AGXT: variants seen among roughly 807,000 people sequenced by gnomAD.
AGXT encodes alanine--glyoxylate aminotransferase.
A neutral mutation model predicts 46.9 loss-of-function variants in AGXT; 41 were observed. The ratio of observed to expected loss-of-function variants is 0.88; its 90% CI spans 0.68 to 1.14. The LOEUF (loss-of-function observed/expected upper bound fraction) is 1.14. Among genes scored for constraint, AGXT ranks in the 50% most tolerant of loss-of-function variants. The probability of loss-of-function intolerance (pLI) is 0.00; values close to 1 mark genes in which losing one functional copy is unlikely to be tolerated. For missense variants in AGXT, 525 were observed against 522.7 expected (o/e 1.00, Z -0.04); for synonymous variants, 244 against 227.9 (o/e 1.07, Z -0.64).
chr2:240,871,588 T>A, intron 4 of AGXT, 139 bp downstream of exon 4: 1 of 791,792 alleles, frequency 1.3e-6, no homozygotes, highest in East Asian at 2.7e-5. Flanking sequence ...TGCAGGCACC[T>A]CCCAGGTCCT....
intron 2 of AGXT, 65 bp downstream of exon 2, chr2:240,869,427 C>G: frequency 1.4e-6 from 2 of 1,439,746 alleles, no homozygotes; most frequent in Non-Finnish European, 1.9e-6. Flanking sequence ...TGGCCTCCCT[C>G]TGTTTGAAGC....
Position 240,870,715 on chromosome 2 carries a change from G to A in AGXT, c.423+7G>A, listed in dbSNP as rs2058986525. The A allele has an allele frequency of 1.3e-6, 2 of 1,553,926 alleles. No homozygotes were observed. The highest frequency in any genetic ancestry group is 1.4e-5 in the African/African-American group (1 of 73,500). The stretch of plus-strand genomic sequence containing the variant: ...ACTGCAGGAGGTGGAGGAGGTAGGG[G>A]ACCCGGGGTGGGGGTCAGGGCCGGG... On this transcript the variant is annotated splice_region_variant and intron_variant, in intron 3 of 10. Transcript: ENST00000307503.
In AGXT at chr2:240,872,977, A is replaced by T. The variant is rs1452455390; in HGVS notation, c.525-2A>T. On this transcript the variant is annotated splice_acceptor_variant, in intron 4 of 10. Coordinates refer to ENST00000307503, the MANE Select transcript of AGXT (RefSeq NM_000030.3). LOFTEE classifies it high-confidence loss of function. ...CCTCCATTCTGTCCCCCACCTCTCC[A>T]GGTACAAGTGCCTGCTCCTGGTGGA... 1 of 1,613,684 alleles carries T rather than the reference A, an allele frequency of 6.2e-7. No individual in the cohort carries two copies. The highest frequency in any genetic ancestry group is 1.7e-5 in the Admixed American group (1 of 60,010).
Position 240,879,053 on chromosome 2 carries a change from G to T in AGXT, c.*232G>T. On this transcript the variant is annotated 3_prime_UTR_variant, in exon 11 of 11. Coordinates refer to ENST00000307503, the MANE Select transcript of AGXT (RefSeq NM_000030.3). Reference sequence around the variant, plus strand: ...GCGCAAAACCCAGTGCCTTCCAAATGAGCTGCAGTCCCCAGGCCATGAGCC... The same window carrying T: ...GCGCAAAACCCAGTGCCTTCCAAATTAGCTGCAGTCCCCAGGCCATGAGCC... 1 of 598,018 alleles carries T rather than the reference G, an allele frequency of 1.7e-6. No individual in the cohort carries two copies. Among genetic ancestry groups the T allele is most frequent in the Non-Finnish European group, 3.0e-6 (1 of 334,556 alleles). The allele number at this position is 598,018 out of a possible 1,614,324, so 37.0% of individuals were successfully genotyped here.
At chr2:240,873,578 C>G (rs2059003197) in intron 5 of AGXT, 1 of 300,552 alleles carries the variant, frequency 3.3e-6, no homozygotes. Flanking sequence ...TGCCTGCCCA[C>G]CCACTCCATG....
intron 10 of AGXT, among the ~76,000 whole-genome samples, 190 bp from the exon 11 acceptor site, chr2:240,878,524 G>T (rs891841693): frequency 6.6e-6 from 1 of 152,246 alleles, no homozygotes; most frequent in Non-Finnish European, 1.5e-5. Flanking sequence ...TGCAGAGGGA[G>T]GAGAGCCTGC....
intron 3 of AGXT, 115 bp from the exon 4 acceptor site, chr2:240,871,234 G>A (rs1002929408): frequency 2.3e-6 from 2 of 866,782 alleles, no homozygotes; most frequent in Non-Finnish European, 1.9e-6. Flanking sequence ...TCAGGGAGGA[G>A]TAGAGGCAGG....
At chr2:240,869,070 A>G in intron 1 of AGXT, 40 bp downstream of exon 1, 1 of 1,515,310 alleles carries the variant, frequency 6.6e-7, no homozygotes, top group Non-Finnish European at 9.0e-7. Context: ...GGTCTCACCC[A>G]TGTTCCCACC....
intron 8 of AGXT, 123 bp downstream of exon 8, chr2:240,876,127 T>G: frequency 8.3e-7 from 1 of 1,198,304 alleles, no homozygotes; most frequent in East Asian, 2.5e-5. Context: ...AGAGAGGCCC[T>G]CAGTGGGGGT....
chr2:240,877,762 T>C (rs1217087781), intron 9 of AGXT, 130 bp downstream of exon 9: 17 of 1,094,400 alleles, frequency 1.6e-5, no homozygotes, highest in Non-Finnish European at 2.1e-5. Flanking sequence ...GTGGCCTCGG[T>C]GCCAGGGATT....
rs1191051731 is a variant in AGXT, at chr2:240,878,846, A to AGTGGCACACACCTGTCC, written c.*25_*26insGTGGCACACACCTGTCC. On this transcript the variant is annotated 3_prime_UTR_variant, in exon 11 of 11. Coordinates refer to ENST00000307503, the MANE Select transcript of AGXT (RefSeq NM_000030.3). ...ACCTGCCCACTGGCACACAGCTGGC[A>AGTGGCACACACCTGTCC]CTGGCACACACCTGTCCCATGCCCA... The AGTGGCACACACCTGTCC allele has an allele frequency of 6.4e-7, 1 of 1,557,666 alleles. No individual in the cohort carries two copies. The highest frequency in any genetic ancestry group is 1.3e-5 in the African/African-American group (1 of 74,108).
In AGXT at chr2:240,880,390, C is replaced by T. The variant is rs1373339812; in HGVS notation, c.*1569C>T. 1 of 151,866 alleles carries T rather than the reference C, an allele frequency of 6.6e-6. No individual in the cohort carries two copies. Among genetic ancestry groups the T allele is most frequent in the African/African-American group, 2.4e-5 (1 of 41,310 alleles). The allele number at this position is 151,866 out of a possible 1,614,324, so 9.4% of individuals were successfully genotyped here. A position where few individuals can be genotyped will look rare whatever the true frequency, so the allele number is the denominator to read the frequency against. ...GAGCAACTTCTCATGAGCTATCGGCCGTTTGTAGATCTTCTGAAAAGTGTC... is the reference window on the plus strand; with the variant it reads ...GAGCAACTTCTCATGAGCTATCGGCTGTTTGTAGATCTTCTGAAAAGTGTC... On this transcript the variant is annotated 3_prime_UTR_variant, in exon 11 of 11. Transcript: ENST00000307503.
rs374527810 is a variant in AGXT at position 240,875,093 on chromosome 2, G to A, written c.681-16G>A. On this transcript the variant is annotated splice_polypyrimidine_tract_variant and intron_variant, in intron 6 of 10. Coordinates refer to ENST00000307503, the MANE Select transcript of AGXT (RefSeq NM_000030.3). ...AAACTGAGAGGCTGGTGCTCAGCCT[G>A]CTTCTTTCTCCCCAGAAAGAAGATG... 4 of 1,583,178 alleles carry A rather than the reference G, an allele frequency of 2.5e-6. No individual in the cohort carries two copies. The highest frequency in any genetic ancestry group is 3.3e-4 in the Middle Eastern group (2 of 6,046).
At chr2:240,869,134 G>T in intron 1 of AGXT, 36 bp from the exon 2 acceptor site, 1 of 1,612,856 alleles carries the variant, frequency 6.2e-7, no homozygotes, top group Non-Finnish European at 8.5e-7. Flanking sequence ...GGGGAGGCGG[G>T]GAGCCTGGGT....
chr2:240,870,665 C>T lies in AGXT; in HGVS notation c.380C>T (p.Thr127Ile). ...CCAGGAGCCCGAGTGCACCCGATGA[C>T]CAAGGACCCTGGAGGCCACTACACA... The part of the protein sequence containing the change: ...ERIGARVHPM[T>I]KDPGGHYTLQ... Residue 127 changes from threonine to isoleucine, a missense_variant, in exon 3 of 11, where the codon ACC (threonine) becomes ATC (isoleucine). By Grantham distance (89) the Thr-to-Ile change is moderately conservative (BLOSUM62 -1). Coordinates refer to ENST00000307503, the MANE Select transcript of AGXT (RefSeq NM_000030.3). 6.4e-7 allele frequency: 1 copy of T among 1,555,298 alleles called. No homozygotes were observed. Among genetic ancestry groups the T allele is most frequent in the Non-Finnish European group, 8.7e-7 (1 of 1,149,252 alleles).
At chr2:240,869,593 G>A (rs1230227529) in intron 2 of AGXT, among the ~76,000 whole-genome samples, 2 of 152,210 alleles carry the variant, frequency 1.3e-5, no homozygotes, top group East Asian at 3.9e-4. Flanking sequence ...GATCCCCCCA[G>A]TCTCCTTGAG....
At chr2:240,875,757 G>A (rs977402433) in intron 7 of AGXT, among the ~76,000 whole-genome samples, 178 bp from the exon 8 acceptor site, 4 of 152,198 alleles carry the variant, frequency 2.6e-5, no homozygotes, top group Non-Finnish European at 5.9e-5. Flanking sequence ...TGCTCTCCCT[G>A]GCAGACGAAG....
Position 240,869,418 on chromosome 2 carries a change from G to A in AGXT, c.358+56G>A. On this transcript the variant is annotated intron_variant, in intron 2 of 10. Coordinates refer to ENST00000307503, the MANE Select transcript of AGXT (RefSeq NM_000030.3). ...TGGATCCATCCTTCAAGGCCTCCCT[G>A]GCCTCCCTCTGTTTGAAGCTGGCAG... The A allele has an allele frequency of 4.0e-6, 4 of 993,696 alleles. No individual in the cohort carries two copies. In the South Asian group the frequency reaches 6.8e-5, roughly 17 times the overall value. 61.6% of individuals were successfully genotyped at this position (993,696 alleles called of 1,614,324 possible).
chr2:240,873,882 C>G (rs1382389483), intron 5 of AGXT, 96 bp from the exon 6 acceptor site: 6 of 1,096,070 alleles, frequency 5.5e-6, no homozygotes, highest in Non-Finnish European at 8.4e-6. Flanking sequence ...GTGGTAGGGT[C>G]GTAGCCTACC....
Sources: gnomAD v4.1 joint callset for allele counts (sites outside exome capture counted in the v4.1 genomes callset) on GRCh38, gnomAD v4.1.1 for gene constraint, MANE v1.5 for transcripts, NCBI Gene and HGNC (gene_info 2026-07-23, HGNC 2026-07-21) for gene names.